The following DLG2 variants were observed in gnomAD, a reference collection of about 807,000 sequenced individuals.
DLG2 encodes the protein discs large MAGUK scaffold protein 2.
DLG2 carries 45 observed loss-of-function variants against 132.5 expected under a neutral mutation model. That is an observed-to-expected ratio of 0.34 (90% CI 0.27 to 0.44). DLG2 has a LOEUF of 0.44. Ranked by LOEUF, DLG2 falls within the 20% of genes least tolerant of loss-of-function variation. The pLI is 1.00. For synonymous variants in DLG2, 424 were observed against 419.6 expected, an observed-to-expected ratio of 1.01 and a Z score of -0.13; for missense variants, 1,045 against 1,196.9, an observed-to-expected ratio of 0.87 and a Z score of 1.87.
intron 7 of DLG2, among the ~76,000 whole-genome samples, chr11:84,362,886 T>C (rs371232133): frequency 1.2e-4 from 18 of 152,216 alleles, no homozygotes; most frequent in South Asian, 4.1e-4. Context: ...ATATGTGCCA[T>C]ATTTTCTTAA....
chr11:84,634,970 T>C (rs897173434), intron 6 of DLG2, among the ~76,000 whole-genome samples: 1 of 152,140 alleles, frequency 6.6e-6, no homozygotes, highest in Non-Finnish European at 1.5e-5. Flanking sequence ...ACAGGGTCAA[T>C]CCAGAAGTTC....
intron 15 of DLG2, among the ~76,000 whole-genome samples, chr11:83,918,528 C>T (rs2077294320): frequency 6.6e-6 from 1 of 152,180 alleles, no homozygotes; most frequent in African/African-American, 2.4e-5. Flanking sequence ...TTAACAACAA[C>T]AGAAACGTCC....
intron 6 of DLG2, among the ~76,000 whole-genome samples, chr11:84,774,331 A>T (rs572472631): frequency 6.6e-6 from 1 of 152,284 alleles, no homozygotes; most frequent in African/African-American, 2.4e-5. Context: ...ATGCTCATAG[A>T]TTGGAAGAAT....
chr11:83,820,856 T>C (rs2050587286), intron 17 of DLG2, among the ~76,000 whole-genome samples: 1 of 152,164 alleles, frequency 6.6e-6, no homozygotes, highest in Non-Finnish European at 1.5e-5. Context: ...TCATCCAGGA[T>C]TTCTCTCTTC....
chr11:84,469,261 T>C (rs1372672589), intron 7 of DLG2, among the ~76,000 whole-genome samples: 3 of 151,552 alleles, frequency 2.0e-5, no homozygotes, highest in Non-Finnish European at 4.4e-5. Flanking sequence ...ACTGAAGGAA[T>C]AGAGAAAGTT....
intron 3 of DLG2, among the ~76,000 whole-genome samples, chr11:85,486,793 C>G (rs1397552590): frequency 6.6e-6 from 1 of 151,952 alleles, no homozygotes; most frequent in Non-Finnish European, 1.5e-5. Context: ...AAGCCTGGCC[C>G]CCCCTGCTAC....
intron 2 of DLG2, among the ~76,000 whole-genome samples, chr11:85,618,720 A>C (rs1430436622): frequency 6.6e-6 from 1 of 152,216 alleles, no homozygotes; most frequent in African/African-American, 2.4e-5. Flanking sequence ...TCATGTAACA[A>C]ATCAGCACAT....
chr11:84,948,893 A>G (rs1276361677), intron 6 of DLG2, among the ~76,000 whole-genome samples: 1 of 152,196 alleles, frequency 6.6e-6, no homozygotes, highest in Non-Finnish European at 1.5e-5. Flanking sequence ...TTTAAATGAG[A>G]CAGAGTATGA....
intron 4 of DLG2, among the ~76,000 whole-genome samples, chr11:85,235,585 A>T (rs978315295): frequency 1.3e-5 from 2 of 151,984 alleles, no homozygotes; most frequent in Non-Finnish European, 2.9e-5. Context: ...GGAAGACGGG[A>T]ACAGAAAGAA....
intron 5 of DLG2, among the ~76,000 whole-genome samples, chr11:85,144,382 T>C (rs1374723391): frequency 6.6e-6 from 1 of 151,076 alleles, no homozygotes; most frequent in African/African-American, 2.4e-5. Flanking sequence ...TTAGCCACTT[T>C]ATGTTTTTCA....
intron 6 of DLG2, among the ~76,000 whole-genome samples, chr11:84,789,983 CT>C (rs2073562126): frequency 6.6e-6 from 1 of 152,136 alleles, no homozygotes; most frequent in South Asian, 2.1e-4. Flanking sequence ...ATCAATTGAT[CT>C]GTTCATGAAC....
chr11:85,274,248 T>C (rs2077740243), intron 4 of DLG2, among the ~76,000 whole-genome samples: 1 of 152,138 alleles, frequency 6.6e-6, no homozygotes, highest in South Asian at 2.1e-4. Flanking sequence ...GAACTTAAAG[T>C]ATAATTAAAA....
At chr11:83,989,727 T>C (rs1238944222) in intron 11 of DLG2, among the ~76,000 whole-genome samples, 1 of 152,066 alleles carries the variant, frequency 6.6e-6, no homozygotes, top group Non-Finnish European at 1.5e-5. Flanking sequence ...GATCCAAAAA[T>C]TGAAGCAAAA....
chr11:83,673,348 T>G (rs1362434487), intron 18 of DLG2, among the ~76,000 whole-genome samples: 1 of 152,176 alleles, frequency 6.6e-6, no homozygotes, highest in Non-Finnish European at 1.5e-5. Flanking sequence ...TGACTGTGTT[T>G]TATTGCTTTT....
intron 7 of DLG2, among the ~76,000 whole-genome samples, chr11:84,484,085 T>G (rs1603049297): frequency 6.6e-6 from 1 of 152,286 alleles, no homozygotes; most frequent in East Asian, 1.9e-4. Context: ...TCACCAGGTA[T>G]ATTCACCAAT....
intron 10 of DLG2, among the ~76,000 whole-genome samples, chr11:84,083,592 G>C (rs534043033): frequency 2.2e-3 from 328 of 152,274 alleles, no homozygotes; most frequent in African/African-American, 7.6e-3. Flanking sequence ...ACAGTGGTTA[G>C]TTATTTAGAG....
intron 6 of DLG2, among the ~76,000 whole-genome samples, chr11:84,685,291 C>T (rs1281690907): frequency 6.6e-6 from 1 of 152,206 alleles, no homozygotes; most frequent in Non-Finnish European, 1.5e-5. Flanking sequence ...AGCCAAGTTC[C>T]TGGCACACAG....
intron 5 of DLG2, among the ~76,000 whole-genome samples, chr11:85,152,329 C>T (rs915148525): frequency 2.0e-4 from 31 of 152,008 alleles, no homozygotes; most frequent in African/African-American, 7.5e-4. Context: ...CAACCTCCAC[C>T]TCCCAGGTTC....
chr11:84,764,063 T>C (rs1438554983), intron 6 of DLG2, among the ~76,000 whole-genome samples: 10 of 152,158 alleles, frequency 6.6e-5, no homozygotes, highest in Non-Finnish European at 1.0e-4. Context: ...CCCCCTTCAG[T>C]CAACATTACA....
Sources: gnomAD v4.1 joint callset for allele counts (sites outside exome capture counted in the v4.1 genomes callset) on GRCh38, gnomAD v4.1.1 for gene constraint, MANE v1.5 for transcripts, NCBI Gene and HGNC (gene_info 2026-07-23, HGNC 2026-07-21) for gene names.